FBXL7: variants seen among roughly 807,000 people sequenced by gnomAD.
FBXL7 encodes F-box/LRR-repeat protein 7.
A neutral mutation model predicts 38.3 loss-of-function variants in FBXL7; 12 were observed. The observed-to-expected ratio is 0.31, with a 90% CI of 0.20 to 0.51. The LOEUF (loss-of-function observed/expected upper bound fraction) is 0.51. FBXL7 is among the 20% of genes least tolerant of loss of function. The probability of loss-of-function intolerance (pLI) is 0.98; values close to 1 mark genes in which losing one functional copy is unlikely to be tolerated. For missense variants in FBXL7, 567 were observed against 676.4 expected, an observed-to-expected ratio of 0.84 and a Z score of 1.79; for synonymous variants, 297 against 300.9, an observed-to-expected ratio of 0.99 and a Z score of 0.13.
intron 2 of FBXL7, among the ~76,000 whole-genome samples, chr5:15,755,924 TGGA>T (rs1298499778): frequency 6.6e-6 from 1 of 152,202 alleles, no homozygotes; most frequent in African/African-American, 2.4e-5. Flanking sequence ...TCCATAGCAG[TGGA>T]GGAGAAGTCA....
intron 2 of FBXL7, among the ~76,000 whole-genome samples, chr5:15,912,849 T>A (rs957049309): frequency 6.6e-6 from 1 of 151,998 alleles, no homozygotes; most frequent in Non-Finnish European, 1.5e-5. Context: ...CTGGGGTCTT[T>A]AAAGAAGAGA....
chr5:15,515,400 A>G (rs941837781), intron 1 of FBXL7, among the ~76,000 whole-genome samples: 2 of 152,226 alleles, frequency 1.3e-5, no homozygotes, highest in Non-Finnish European at 2.9e-5. Flanking sequence ...AAGAGCCATC[A>G]TGGAATTTTT....
intron 2 of FBXL7, among the ~76,000 whole-genome samples, chr5:15,734,475 T>G: frequency 6.6e-6 from 1 of 152,342 alleles, no homozygotes; most frequent in East Asian, 1.9e-4. Context: ...GTAAGACATA[T>G]AGGAGTGGTT....
intron 2 of FBXL7, among the ~76,000 whole-genome samples, chr5:15,819,912 G>A (rs892640024): frequency 1.3e-5 from 2 of 152,182 alleles, no homozygotes; most frequent in African/African-American, 4.8e-5. Flanking sequence ...TTCAGTGGTA[G>A]AATACAGAAA....
intron 2 of FBXL7, among the ~76,000 whole-genome samples, chr5:15,913,269 ATTTTTT>A (rs33993419): frequency 7.3e-6 from 1 of 136,506 alleles, no homozygotes; most frequent in Non-Finnish European, 1.6e-5. Flanking sequence ...TTTTTTATTA[ATTTTTT>A]TTTTTATTAT....
chr5:15,711,043 A>G (rs12520066), intron 2 of FBXL7, among the ~76,000 whole-genome samples: 8,043 of 152,286 alleles, frequency 0.053, 232 homozygotes, highest in East Asian at 0.08. Context: ...CTAAAAAAAC[A>G]GGAGTTTTCC....
At chr5:15,718,578 G>C (rs945610500) in intron 2 of FBXL7, among the ~76,000 whole-genome samples, 4 of 152,186 alleles carry the variant, frequency 2.6e-5, no homozygotes, top group African/African-American at 4.8e-5. Flanking sequence ...AGGCATGCAG[G>C]CATCGTGATA....
intron 2 of FBXL7, among the ~76,000 whole-genome samples, chr5:15,843,878 A>G (rs1037502199): frequency 6.6e-6 from 1 of 151,178 alleles, no homozygotes; most frequent in Non-Finnish European, 1.5e-5. Context: ...CTTTATATTT[A>G]CATATAAAGC....
At chr5:15,675,939 A>C (rs900455533) in intron 2 of FBXL7, among the ~76,000 whole-genome samples, 2 of 152,210 alleles carry the variant, frequency 1.3e-5, no homozygotes, top group Non-Finnish European at 2.9e-5. Flanking sequence ...AACACAAAGC[A>C]ACATTAATGG....
intron 2 of FBXL7, among the ~76,000 whole-genome samples, chr5:15,862,925 A>T (rs1429051888): frequency 6.6e-6 from 1 of 152,216 alleles, no homozygotes; most frequent in Non-Finnish European, 1.5e-5. Context: ...TGAGGCCAGT[A>T]GGGCTGCTCA....
intron 1 of FBXL7, among the ~76,000 whole-genome samples, chr5:15,541,443 G>GTGTATATATATA (rs1264820921): frequency 4.7e-4 from 18 of 38,434 alleles, no homozygotes; most frequent in Non-Finnish European, 5.3e-4. Context: ...GTGTGTGTGT[G>GTGTATATATATA]TATATATATA....
intron 2 of FBXL7, among the ~76,000 whole-genome samples, chr5:15,826,615 C>T (rs1432179645): frequency 2.0e-5 from 3 of 152,050 alleles, no homozygotes; most frequent in Admixed American, 2.0e-4. Flanking sequence ...GACGGGGTTT[C>T]ACCATGTTGG....
At chr5:15,913,571 C>T (rs1741501303) in intron 2 of FBXL7, among the ~76,000 whole-genome samples, 1 of 151,994 alleles carries the variant, frequency 6.6e-6, no homozygotes. Context: ...GTATTAGTAT[C>T]TTTTTACTAG....
At position 15,792,470 on chromosome 5, in the gene FBXL7, G is replaced by T. The variant is rs74521668; in HGVS notation, c.128-135420G>T. Reference sequence around the variant, plus strand: ...ACGTTTGAAAGCTCAATGTCTGAACGTCAAGCAGTTGATTTTGTATTAATT... The same window carrying T: ...ACGTTTGAAAGCTCAATGTCTGAACTTCAAGCAGTTGATTTTGTATTAATT... On this transcript the variant is annotated intron_variant, in intron 2 of 3. Transcript: ENST00000504595. 3.4e-3 allele frequency among the ~76,000 whole-genome samples: 519 copies of T among 152,250 alleles called. 1 individual carries two copies. The highest frequency in any genetic ancestry group is 5.9e-3 in the Non-Finnish European group (401 of 68,012).
At chr5:15,796,368 T>G (rs1737416674) in intron 2 of FBXL7, among the ~76,000 whole-genome samples, 1 of 152,176 alleles carries the variant, frequency 6.6e-6, no homozygotes, top group Non-Finnish European at 1.5e-5. Context: ...ATGCCATTTG[T>G]TTATACATCA....
chr5:15,775,495 A>G (rs1050822545), intron 2 of FBXL7, among the ~76,000 whole-genome samples: 2 of 151,918 alleles, frequency 1.3e-5, no homozygotes, highest in African/African-American at 4.8e-5. Context: ...TGAAACACAG[A>G]CCATACTTTT....
intron 2 of FBXL7, among the ~76,000 whole-genome samples, chr5:15,659,961 C>T (rs1222761534): frequency 6.6e-6 from 1 of 152,184 alleles, no homozygotes; most frequent in African/African-American, 2.4e-5. Flanking sequence ...TTACATTTGG[C>T]ACTTTTACTT....
intron 1 of FBXL7, among the ~76,000 whole-genome samples, chr5:15,512,143 T>C (rs1427034851): frequency 6.6e-6 from 1 of 152,210 alleles, no homozygotes; most frequent in Non-Finnish European, 1.5e-5. Context: ...TATCCTTTGT[T>C]GTTGAATAAC....
intron 1 of FBXL7, among the ~76,000 whole-genome samples, chr5:15,614,250 CGTTCTTTTCT>C (rs1343235155): frequency 6.1e-5 from 9 of 148,584 alleles, no homozygotes; most frequent in African/African-American, 2.0e-4. Context: ...CAATAGCTTG[CGTTCTTTTCT>C]TTTCTTTTCT....
Sources: allele counts gnomAD v4.1 joint callset (sites outside exome capture counted in the v4.1 genomes callset), GRCh38; gene constraint gnomAD v4.1.1; transcripts MANE v1.5; gene names NCBI Gene and HGNC (gene_info 2026-07-23, HGNC 2026-07-21).